The following MGME1 variants were observed in gnomAD, a reference collection of about 807,000 sequenced individuals.
The protein encoded by MGME1 is mitochondrial genome maintenance exonuclease 1.
In MGME1, 22 loss-of-function variants were observed where a neutral mutation model predicts 33.0. The ratio of observed to expected loss-of-function variants is 0.67; its 90% CI spans 0.48 to 0.95. The LOEUF (loss-of-function observed/expected upper bound fraction) is 0.95, where lower values mean the gene tolerates loss of function less well. Among genes scored for constraint, MGME1 ranks in the 40% least tolerant of loss-of-function variants. The pLI, the probability that MGME1 is intolerant of heterozygous loss-of-function variation, is 0.00. For synonymous variants in MGME1, 133 were observed against 144.0 expected, an observed-to-expected ratio of 0.92 and a Z score of 0.55; for missense variants, 383 against 397.8, an observed-to-expected ratio of 0.96 and a Z score of 0.32.
In MGME1 at chr20:17,975,629, A is replaced by C. The variant is rs1372885631; in HGVS notation, c.512-55A>C. 4 of 1,256,762 alleles carry C rather than the reference A, an allele frequency of 3.2e-6. No homozygotes were observed. In the African/African-American group the frequency reaches 6.1e-5, roughly 19 times the overall value. 77.9% of individuals were successfully genotyped at this position (1,256,762 alleles called of 1,614,324 possible). ...GGGCGTTTTAGAGTATTTGTTTTTC[A>C]GTGTTAGCTTTGTTTGTGTTTCCCC... On this transcript the variant is annotated intron_variant, in intron 2 of 4. Coordinates refer to ENST00000377710, the MANE Select transcript of MGME1 (RefSeq NM_052865.4).
chr20:17,974,265 A>C (rs1368572025), intron 2 of MGME1, among the ~76,000 whole-genome samples: 1 of 152,016 alleles, frequency 6.6e-6, no homozygotes, highest in Non-Finnish European at 1.5e-5. Context: ...GGGTTTTACC[A>C]TGTTGGCCAG....
chr20:17,977,349 C>T (rs146107854), intron 3 of MGME1, among the ~76,000 whole-genome samples: 2 of 150,720 alleles, frequency 1.3e-5, no homozygotes, highest in Non-Finnish European at 3.0e-5. Flanking sequence ...GCACTCCAGC[C>T]TGAGCAACAG....
At chr20:17,972,785 G>A in intron 2 of MGME1, 1 of 985,260 alleles carries the variant, frequency 1.0e-6, no homozygotes, top group Non-Finnish European at 1.2e-6. Context: ...TGGTCTATTG[G>A]CATGGCATTT....
intron 3 of MGME1, among the ~76,000 whole-genome samples, chr20:17,980,594 G>A (rs1330210595): frequency 6.6e-6 from 1 of 151,960 alleles, no homozygotes; most frequent in Non-Finnish European, 1.5e-5. Flanking sequence ...CAGATCACGA[G>A]GTCAGAAGAT....
rs1315334395 is a variant in MGME1 at position 17,969,804 on chromosome 20, T to A, written c.-56T>A. 5 of 1,507,026 alleles carry A rather than the reference T, an allele frequency of 3.3e-6. No individual in the cohort carries two copies. The highest frequency in any genetic ancestry group is 1.4e-5 in the African/African-American group (1 of 71,512). The allele number at this position is 1,507,026 out of a possible 1,614,324, so 93.4% of individuals were successfully genotyped here. On this transcript the variant is annotated 5_prime_UTR_variant, in exon 2 of 5. Transcript: ENST00000377710. ...ATGGTTGTTTTCTCTCCAATAGGAATACAAACATAAAGGCCTTCGACCGTT... is the reference window on the plus strand; with the variant it reads ...ATGGTTGTTTTCTCTCCAATAGGAAAACAAACATAAAGGCCTTCGACCGTT...
intron 3 of MGME1, among the ~76,000 whole-genome samples, chr20:17,977,117 T>C (rs1316087075): frequency 9.2e-5 from 14 of 151,950 alleles, no homozygotes. Context: ...GGCTCACGCC[T>C]GTAATCCCAG....
chr20:17,971,401 G>A (rs2035725836), intron 2 of MGME1, among the ~76,000 whole-genome samples: 1 of 152,178 alleles, frequency 6.6e-6, no homozygotes, highest in South Asian at 2.1e-4. Context: ...CCAAACTATT[G>A]TCTGCTTTCC....
chr20:17,976,054 A>G, intron 3 of MGME1, 151 bp downstream of exon 3: 1 of 633,568 alleles, frequency 1.6e-6, no homozygotes, highest in Non-Finnish European at 2.8e-6. Flanking sequence ...GAGAACAGGT[A>G]CAAGGAGAAG....
chr20:17,985,337 C>T (rs961537679), intron 3 of MGME1, among the ~76,000 whole-genome samples: 3 of 151,724 alleles, frequency 2.0e-5, no homozygotes, highest in Non-Finnish European at 2.9e-5. Context: ...GCAGGAGAAT[C>T]GCTTGAACCT....
chr20:17,974,388 A>G (rs1205820045), intron 2 of MGME1, among the ~76,000 whole-genome samples: 1 of 152,028 alleles, frequency 6.6e-6, no homozygotes, highest in African/African-American at 2.4e-5. Context: ...TAAAATGTGT[A>G]TGAGGAGGGG....
intron 3 of MGME1, among the ~76,000 whole-genome samples, chr20:17,981,507 T>C (rs557001189): frequency 6.6e-6 from 1 of 152,266 alleles, no homozygotes; most frequent in Non-Finnish European, 1.5e-5. Context: ...TTTGATCTAC[T>C]TCTTTTTTTA....
chr20:17,973,309 A>C (rs1310540443), intron 2 of MGME1, among the ~76,000 whole-genome samples: 2 of 151,102 alleles, frequency 1.3e-5, no homozygotes, highest in Non-Finnish European at 2.9e-5. Context: ...ATACCACTGC[A>C]CTCCAGCCTG....
At chr20:17,973,512 G>A (rs555594249) in intron 2 of MGME1, among the ~76,000 whole-genome samples, 1 of 152,106 alleles carries the variant, frequency 6.6e-6, no homozygotes, top group South Asian at 2.1e-4. Flanking sequence ...GAATTAGCCA[G>A]GCGTGGTGGC....
upstream of MGME1, chr20:17,968,801 T>A (rs1451436691): frequency 7.6e-6 from 2 of 263,126 alleles, no homozygotes; most frequent in Non-Finnish European, 1.5e-5. Flanking sequence ...AAAGACCGCG[T>A]TTCGGTGCGG....
chr20:17,976,652 GT>G (rs2035875882), intron 3 of MGME1, among the ~76,000 whole-genome samples: 2 of 152,112 alleles, frequency 1.3e-5, no homozygotes, highest in South Asian at 4.1e-4. Flanking sequence ...TGGTTGTTTT[GT>G]TTTGTTTTGT....
At chr20:17,969,653 T>C (rs2035658596) in intron 1 of MGME1, 148 bp from the exon 2 acceptor site, 1 of 528,918 alleles carries the variant, frequency 1.9e-6, no homozygotes, top group Non-Finnish European at 3.3e-6. Flanking sequence ...CTTGATTTAT[T>C]TATAAATTTT....
rs1012941730 is a variant in MGME1, at chr20:17,975,817, T to C, written c.645T>C (p.Asp215=). 6.2e-7 allele frequency: 1 copy of C among 1,614,192 alleles called. No homozygotes were observed. Among genetic ancestry groups the C allele is most frequent in the Non-Finnish European group, 8.5e-7 (1 of 1,180,032 alleles). ...AAAGTGTCCAGCATATTCTGAAAGA[T>C]GTCAGTGGAGTGCGAGCTCTTGAAA... ...YIESVQHILK[D]VSGVRALESA... The change falls in exon 3 of 5, where the codon GAT becomes GAC. Residue 215 remains aspartate (D), a synonymous_variant. Transcript: ENST00000377710.
chr20:17,970,907 T>G (rs1032835983), intron 2 of MGME1, among the ~76,000 whole-genome samples: 2 of 152,220 alleles, frequency 1.3e-5, no homozygotes, highest in Non-Finnish European at 2.9e-5. Flanking sequence ...ACCTTCAACT[T>G]CTAATTTACT....
chr20:17,979,992 A>G (rs1172419204), intron 3 of MGME1, among the ~76,000 whole-genome samples: 1 of 151,958 alleles, frequency 6.6e-6, no homozygotes, highest in Admixed American at 6.6e-5. Flanking sequence ...CAGCCTCTCA[A>G]AGTGTTGGAA....
Sources: allele counts gnomAD v4.1 joint callset (sites outside exome capture counted in the v4.1 genomes callset), GRCh38; gene constraint gnomAD v4.1.1; transcripts MANE v1.5; gene names NCBI Gene and HGNC (gene_info 2026-07-23, HGNC 2026-07-21).